Variants in EPHB4 observed in about 807,000 individuals in gnomAD.
The protein encoded by EPHB4 is ephrin type-B receptor 4.
EPHB4 carries 50 observed loss-of-function variants against 110.6 expected under a neutral mutation model. The observed-to-expected ratio is 0.45, with a 90% CI of 0.36 to 0.57. The LOEUF (loss-of-function observed/expected upper bound fraction) is 0.57, where lower values mean the gene tolerates loss of function less well. Ranked by LOEUF, EPHB4 falls within the 20% of genes least tolerant of loss-of-function variation. EPHB4 has a pLI of 0.00. For missense variants in EPHB4, 1,128 were observed against 1,382.1 expected (o/e 0.82, Z 2.91); for synonymous variants, 592 against 578.4 (o/e 1.02, Z -0.34).
intron 1 of EPHB4, chr7:100,826,755 C>G (rs968450188): frequency 4.2e-6 from 2 of 480,636 alleles, no homozygotes; most frequent in Admixed American, 3.3e-5. Flanking sequence ...TGTCCCGGGT[C>G]GTAGCCAGAC....
intron 1 of EPHB4, among the ~76,000 whole-genome samples, chr7:100,826,289 G>A (rs980014245): frequency 6.6e-6 from 1 of 151,812 alleles, no homozygotes; most frequent in African/African-American, 2.4e-5. Context: ...TCTACCTGGG[G>A]GCTGTGTAGG....
rs1813445530 is a variant in EPHB4 at position 100,827,505 on chromosome 7, G to GCTGAGCTGCGCTGGAA, written c.-491_-476dup. On this transcript the variant is annotated 5_prime_UTR_variant, in exon 1 of 17. Transcript: ENST00000358173. ...GCCGGGCGGGCCGGGCCGGGCAGGGGCTGAGCTGCGCTGGAACTGGGCCGG... is the reference window on the plus strand; with the variant it reads ...GCCGGGCGGGCCGGGCCGGGCAGGGGCTGAGCTGCGCTGGAACTGAGCTGCGCTGGAACTGGGCCGG... 6.6e-6 allele frequency: 1 copy of GCTGAGCTGCGCTGGAA among 151,794 alleles called. No individual in the cohort carries two copies. Among genetic ancestry groups the GCTGAGCTGCGCTGGAA allele is most frequent in the Non-Finnish European group, 1.5e-5 (1 of 67,848 alleles). The allele number at this position is 151,794 out of a possible 1,614,324, so 9.4% of individuals were successfully genotyped here.
In EPHB4 at chr7:100,820,307, G is replaced by C. The variant is rs369246380; in HGVS notation, c.809-11C>G. ...TGCCCTGGGCACAGGCTGAGAGAGA[G>C]AAAGCATTCATCAAAAGCATGCACA... On this transcript the variant is annotated splice_polypyrimidine_tract_variant and intron_variant, in intron 4 of 16. Coordinates refer to ENST00000358173, the MANE Select transcript of EPHB4 (RefSeq NM_004444.5). 3 of 1,612,702 alleles carry C rather than the reference G, an allele frequency of 1.9e-6. No homozygotes were observed. Among genetic ancestry groups the C allele is most frequent in the Admixed American group, 1.7e-5 (1 of 59,822 alleles).
intron 1 of EPHB4, among the ~76,000 whole-genome samples, chr7:100,825,817 C>T (rs143605634): frequency 1.2e-3 from 177 of 152,358 alleles, no homozygotes; most frequent in African/African-American, 4.0e-3. Flanking sequence ...ACCATTTCCT[C>T]TTTGCGTCTT....
chr7:100,826,697 G>A (rs985282498), intron 1 of EPHB4: 10 of 357,344 alleles, frequency 2.8e-5, no homozygotes, highest in Non-Finnish European at 4.6e-5. Context: ...AGGCAGCCAG[G>A]GGCGTATGTA....
intron 16 of EPHB4, 27 bp downstream of exon 16, chr7:100,805,139 C>T (rs1402655810): frequency 6.2e-7 from 1 of 1,606,786 alleles, no homozygotes; most frequent in African/African-American, 1.3e-5. Flanking sequence ...CTCTCCCAGC[C>T]CCACTCCAGC....
intron 12 of EPHB4, among the ~76,000 whole-genome samples, chr7:100,809,817 C>G (rs978000871): frequency 5.9e-5 from 9 of 152,180 alleles, no homozygotes; most frequent in Non-Finnish European, 1.0e-4. Context: ...CCTTTAAGAC[C>G]CTTTCTGTCT....
At position 100,822,787 on chromosome 7, in the gene EPHB4, T is replaced by C. The variant is rs962661455; in HGVS notation, c.412-120A>G. ...TTGGTTCCCGTTCCAGAATCTTCCC[T>C]CCACCTTCCCCAGGGCACACTTTCT... On this transcript the variant is annotated intron_variant, in intron 3 of 16. Coordinates refer to ENST00000358173, the MANE Select transcript of EPHB4 (RefSeq NM_004444.5). This position sits in a 1 kb window ranked among gnomAD's most constrained non-coding sequence, Gnocchi z 4.7. 33 of 1,386,016 alleles carry C rather than the reference T, an allele frequency of 2.4e-5. No individual in the cohort carries two copies. The East Asian group carries it at 6.9e-4, about 29-fold the overall frequency. 85.9% of individuals were successfully genotyped at this position (1,386,016 alleles called of 1,614,324 possible). A position where few individuals can be genotyped will look rare whatever the true frequency, so the allele number is the denominator to read the frequency against.
At chr7:100,825,851 C>G (rs750130758) in intron 1 of EPHB4, among the ~76,000 whole-genome samples, 22 of 152,178 alleles carry the variant, frequency 1.4e-4, no homozygotes, top group Non-Finnish European at 2.2e-4. Context: ...ACCTCGTCCT[C>G]GTGGTTTTTC....
chr7:100,823,366 C>CA (rs1337991643), intron 3 of EPHB4, among the ~76,000 whole-genome samples: 1 of 152,134 alleles, frequency 6.6e-6, no homozygotes, highest in Non-Finnish European at 1.5e-5. Flanking sequence ...GGGAGAAACT[C>CA]AGTGTGGCTG....
chr7:100,816,442 T>C (rs996163197), intron 8 of EPHB4, among the ~76,000 whole-genome samples: 4 of 151,600 alleles, frequency 2.6e-5, no homozygotes, highest in East Asian at 4.0e-4. Flanking sequence ...CAAGCGATTC[T>C]CCTGCCTCAG....
intron 12 of EPHB4, among the ~76,000 whole-genome samples, chr7:100,811,733 G>A (rs1349509865): frequency 6.6e-6 from 1 of 151,886 alleles, no homozygotes; most frequent in Non-Finnish European, 1.5e-5. Flanking sequence ...TGCTGAGCAT[G>A]GTGGTACATG....
intron 16 of EPHB4, 143 bp downstream of exon 16, chr7:100,805,023 G>A: frequency 8.8e-7 from 1 of 1,142,608 alleles, no homozygotes; most frequent in Non-Finnish European, 1.2e-6. Flanking sequence ...CTCCTCTGGG[G>A]CCCTTCTAGG....
chr7:100,814,080 C>A, intron 8 of EPHB4, 59 bp from the exon 9 acceptor site: 3 of 1,585,656 alleles, frequency 1.9e-6, no homozygotes, highest in Non-Finnish European at 2.6e-6. Flanking sequence ...AGGCCCCAGC[C>A]CCGGCTTTGA....
At chr7:100,818,709 A>ATT in intron 6 of EPHB4, 65 bp from the exon 7 acceptor site, 2 of 1,464,282 alleles carry the variant, frequency 1.4e-6, no homozygotes, top group Non-Finnish European at 9.1e-7. Context: ...CTTAAAAAAA[A>ATT]TTTTTTTTTT....
intron 4 of EPHB4, chr7:100,820,878 T>C (rs1343530335): frequency 6.6e-6 from 1 of 151,902 alleles, no homozygotes; most frequent in Non-Finnish European, 1.5e-5. Context: ...GTGATTTTTT[T>C]TTTTTCCTGA....
In EPHB4 at chr7:100,820,150, G is replaced by T. The variant is rs1241056038; in HGVS notation, c.955C>A (p.Pro319Thr). Residue 319 changes from proline (P) to threonine (T), a missense_variant, in exon 5 of 17, where the codon CCC becomes ACC. Pro to Thr is a conservative substitution (Grantham distance 38). Coordinates refer to ENST00000358173, the MANE Select transcript of EPHB4 (RefSeq NM_004444.5). ...GGTGCTGGTCACTTACTGGTGCAGGGTGCACCCCGGGGGTCTGTGCGTGCC... is the reference window on the plus strand; with the variant it reads ...GGTGCTGGTCACTTACTGGTGCAGGTTGCACCCCGGGGGTCTGTGCGTGCC... ...FRARTDPRGA[P>T]CTTPPSAPRS... 8 of 1,613,660 alleles carry T rather than the reference G, an allele frequency of 5.0e-6. No individual in the cohort carries two copies. The highest frequency in any genetic ancestry group is 6.8e-6 in the Non-Finnish European group (8 of 1,179,952).
chr7:100,813,925 C>T lies in EPHB4; in HGVS notation c.1685G>A (p.Cys562Tyr), dbSNP rs1813005775. 1 of 1,613,956 alleles carries T rather than the reference C, an allele frequency of 6.2e-7. No individual in the cohort carries two copies. The highest frequency in any genetic ancestry group is 1.3e-5 in the African/African-American group (1 of 74,946). ...TGGGTGTCAGAGCCCTTACCTGAGG[C>T]AGAGAACTGCGACCACAATGACCAC... is the stretch of plus-strand genomic sequence containing the variant. ...VLVVIVVAVL[C>Y]LRKQSNGREA... Residue 562 changes from cysteine to tyrosine, a missense_variant, in exon 9 of 17, where the codon TGC becomes TAC. Cys to Tyr is a radical substitution (Grantham distance 194). Transcript: ENST00000358173.
chr7:100,826,411 C>G lies in EPHB4; in HGVS notation c.52+568G>C, dbSNP rs538295076. 2.0e-5 allele frequency among the ~76,000 whole-genome samples: 3 copies of G among 152,110 alleles called. No individual in the cohort carries two copies. The South Asian group carries it at 6.2e-4, about 32-fold the overall frequency. On this transcript the variant is annotated intron_variant, in intron 1 of 16. Transcript: ENST00000358173. ...CAGCCTGTAGAAACCAAGGAGCCAC[C>G]CTATACCAGGGGCAGGAGCAGTGGG...
Sources: allele counts gnomAD v4.1 joint callset (sites outside exome capture counted in the v4.1 genomes callset), GRCh38; gene constraint gnomAD v4.1.1; non-coding constraint Gnocchi (gnomAD v3.1); transcripts MANE v1.5; gene names NCBI Gene and HGNC (gene_info 2026-07-23, HGNC 2026-07-21).